The following AFF3 variants were observed in gnomAD, a reference collection of about 807,000 sequenced individuals.
The protein encoded by AFF3 is AF4/FMR2 family member 3.
Under a neutral mutation model 129.7 loss-of-function variants are expected in AFF3, and 32 were observed. That is an observed-to-expected ratio of 0.25 (90% CI 0.19 to 0.33). The LOEUF is 0.33. AFF3 is among the 10% of genes least tolerant of loss of function. The pLI, the probability that AFF3 is intolerant of heterozygous loss-of-function variation, is 1.00. For missense variants in AFF3, 1,373 were observed against 1,592.0 expected (o/e 0.86, Z 2.34); for synonymous variants, 644 against 635.4 (o/e 1.01, Z -0.20).
At chr2:99,942,157 C>T (rs762578327) in intron 7 of AFF3, among the ~76,000 whole-genome samples, 4 of 152,212 alleles carry the variant, frequency 2.6e-5, no homozygotes, top group Middle Eastern at 3.4e-3. Flanking sequence ...GTTGAAGATA[C>T]GAAGATGGAT....
At chr2:99,774,178 T>C (rs1193689228) in intron 8 of AFF3, among the ~76,000 whole-genome samples, 3 of 152,202 alleles carry the variant, frequency 2.0e-5, no homozygotes, top group Admixed American at 1.3e-4. Flanking sequence ...ATTTATAGAT[T>C]CAATGCTATT....
intron 8 of AFF3, among the ~76,000 whole-genome samples, chr2:99,814,634 T>C (rs1687070429): frequency 6.6e-6 from 1 of 152,058 alleles, no homozygotes; most frequent in Non-Finnish European, 1.5e-5. Context: ...TCCAGCCCCT[T>C]ACCACTCTTT....
chr2:99,952,739 T>C (rs1487029564), intron 7 of AFF3, among the ~76,000 whole-genome samples: 1 of 152,226 alleles, frequency 6.6e-6, no homozygotes, highest in Non-Finnish European at 1.5e-5. Context: ...CATGTTTTCC[T>C]TTACAAGGGT....
At chr2:99,577,451 T>C (rs537230831) in intron 18 of AFF3, among the ~76,000 whole-genome samples, 2 of 152,238 alleles carry the variant, frequency 1.3e-5, no homozygotes, top group South Asian at 4.1e-4. Flanking sequence ...GTAGAGCCAT[T>C]TTATTTTCCA....
intron 7 of AFF3, among the ~76,000 whole-genome samples, chr2:99,937,543 C>A (rs568322803): frequency 6.6e-6 from 1 of 152,102 alleles, no homozygotes; most frequent in Admixed American, 6.6e-5. Context: ...GGACTACAGG[C>A]GCCTGCTACC....
chr2:99,553,917 CCA>C (rs376133288), intron 24 of AFF3, among the ~76,000 whole-genome samples: 29,793 of 69,860 alleles, frequency 0.43, 4,231 homozygotes, highest in Non-Finnish European at 0.45. Context: ...CTGTCTCAAA[CCA>C]AAAAAAAAAA....
chr2:99,830,073 G>A (rs979612347), intron 8 of AFF3, among the ~76,000 whole-genome samples: 3 of 152,142 alleles, frequency 2.0e-5, no homozygotes, highest in African/African-American at 7.2e-5. Context: ...GTTGAACAAT[G>A]AGAACACATG....
intron 4 of AFF3, among the ~76,000 whole-genome samples, chr2:100,057,866 C>T (rs1353844770): frequency 1.3e-5 from 2 of 152,220 alleles, no homozygotes; most frequent in African/African-American, 4.8e-5. Context: ...CCATGAATCC[C>T]TCAGCAACTG....
At chr2:99,943,614 T>C (rs1172267438) in intron 7 of AFF3, among the ~76,000 whole-genome samples, 2 of 152,244 alleles carry the variant, frequency 1.3e-5, no homozygotes, top group Non-Finnish European at 2.9e-5. Context: ...AGTTTTTCCC[T>C]ATTTTAACAA....
At chr2:99,898,279 G>C (rs536471123) in intron 7 of AFF3, among the ~76,000 whole-genome samples, 3 of 152,116 alleles carry the variant, frequency 2.0e-5, no homozygotes, top group Non-Finnish European at 4.4e-5. Context: ...CACCCACCCC[G>C]TGTGCAGCAC....
At chr2:99,822,838 C>T (rs1687791770) in intron 8 of AFF3, among the ~76,000 whole-genome samples, 1 of 151,980 alleles carries the variant, frequency 6.6e-6, no homozygotes, top group South Asian at 2.1e-4. Context: ...TTCCAGAGTT[C>T]GGGGTGGGGG....
intron 8 of AFF3, among the ~76,000 whole-genome samples, chr2:99,789,499 G>T (rs1452605968): frequency 6.8e-6 from 1 of 146,978 alleles, no homozygotes; most frequent in African/African-American, 2.5e-5. Context: ...CACTGGTTCT[G>T]CCTTCTTTTC....
chr2:99,756,143 C>A (rs775005276), intron 8 of AFF3, among the ~76,000 whole-genome samples: 1 of 152,220 alleles, frequency 6.6e-6, no homozygotes, highest in Non-Finnish European at 1.5e-5. Context: ...CTTTCTCTGT[C>A]CACTCCACCC....
intron 11 of AFF3, among the ~76,000 whole-genome samples, chr2:99,694,628 C>CG (rs397776114): frequency 0.082 from 150 of 1,824 alleles, 1 homozygote; most frequent in African/African-American, 0.42. Flanking sequence ...ATGTGAGTCG[C>CG]TATGTAGTTT....
At chr2:99,798,740 A>G (rs1685726088) in intron 8 of AFF3, among the ~76,000 whole-genome samples, 1 of 152,066 alleles carries the variant, frequency 6.6e-6, no homozygotes, top group East Asian at 1.9e-4. Flanking sequence ...ACCAATCAAT[A>G]TGACGTAAAA....
chr2:100,018,807 G>C (rs576040608), intron 4 of AFF3, among the ~76,000 whole-genome samples: 5 of 151,872 alleles, frequency 3.3e-5, no homozygotes, highest in African/African-American at 9.7e-5. Flanking sequence ...CTCCCTTCCC[G>C]GCAGCAGCAC....
intron 17 of AFF3, among the ~76,000 whole-genome samples, chr2:99,582,042 A>G (rs1178438162): frequency 2.0e-5 from 3 of 151,866 alleles, no homozygotes; most frequent in Non-Finnish European, 4.4e-5. Flanking sequence ...TTCAGTATAG[A>G]TGGGGTTTCA....
In AFF3 at chr2:99,671,805, T is replaced by A. The variant is rs528542159; in HGVS notation, c.1143+733A>T. 2.6e-5 allele frequency among the ~76,000 whole-genome samples: 4 copies of A among 152,298 alleles called. No individual in the cohort carries two copies. The East Asian group carries it at 7.7e-4, about 29-fold the overall frequency. ...ACAGAAGTGTAGAAAAATCTGTCTT[T>A]AGTGTTTTTAAACTTGCTTTGAAAT... is the stretch of plus-strand genomic sequence containing the variant. On this transcript the variant is annotated intron_variant, in intron 12 of 24. Transcript: ENST00000672756.
chr2:99,710,377 T>C (rs62156494), intron 11 of AFF3, among the ~76,000 whole-genome samples: 3,745 of 152,174 alleles, frequency 0.025, 58 homozygotes, highest in Non-Finnish European at 0.03. Flanking sequence ...CCTCAGCTTC[T>C]TCCCAAGTAG....
Sources: allele counts gnomAD v4.1 joint callset (sites outside exome capture counted in the v4.1 genomes callset), GRCh38; gene constraint gnomAD v4.1.1; transcripts MANE v1.5; gene names NCBI Gene and HGNC (gene_info 2026-07-23, HGNC 2026-07-21).